SLC13A3: variants seen among roughly 807,000 people sequenced by gnomAD.
The protein encoded by SLC13A3 is Na(+)/dicarboxylate cotransporter 3.
SLC13A3 carries 40 observed loss-of-function variants against 59.0 expected under a neutral mutation model. The observed-to-expected ratio is 0.68, with a 90% CI of 0.53 to 0.88. The LOEUF is 0.88. SLC13A3 is among the 40% of genes least tolerant of loss of function. The pLI, the probability that SLC13A3 is intolerant of heterozygous loss-of-function variation, is 0.00. For synonymous variants in SLC13A3, 317 were observed against 330.3 expected, an observed-to-expected ratio of 0.96 and a Z score of 0.44; for missense variants, 699 against 783.2, an observed-to-expected ratio of 0.89 and a Z score of 1.28.
upstream of SLC13A3, among the ~76,000 whole-genome samples, chr20:46,670,438 G>T (rs2063084677): frequency 6.6e-6 from 1 of 152,164 alleles, no homozygotes; most frequent in Non-Finnish European, 1.5e-5. Context: ...CACTGACTCT[G>T]GGCTTGGCCA....
At chr20:46,592,618 C>A in intron 5 of SLC13A3, 89 bp from the exon 6 acceptor site, 2 of 1,358,914 alleles carry the variant, frequency 1.5e-6, no homozygotes, top group African/African-American at 1.4e-5. Context: ...CTAGTAGCAG[C>A]GGGGAGGAGG....
At chr20:46,643,082 T>A (rs1248427069) in intron 1 of SLC13A3, among the ~76,000 whole-genome samples, 2 of 151,926 alleles carry the variant, frequency 1.3e-5, no homozygotes, top group Admixed American at 1.3e-4. Context: ...ATTCGAGACA[T>A]ACTTATGAGC....
intron 3 of SLC13A3, among the ~76,000 whole-genome samples, chr20:46,606,676 T>C (rs1271457516): frequency 3.1e-4 from 47 of 152,206 alleles, no homozygotes; most frequent in Admixed American, 2.9e-3. Flanking sequence ...CACTCCAGCC[T>C]AGGAGACAGA....
chr20:46,662,756 T>A (rs1205943188), intron 1 of SLC13A3, among the ~76,000 whole-genome samples: 1 of 152,218 alleles, frequency 6.6e-6, no homozygotes, highest in Non-Finnish European at 1.5e-5. Context: ...CTTTTGCTTT[T>A]GAATTGGGTG....
rs1289023945 is a variant in SLC13A3, at chr20:46,639,728, T to C, written c.111+11583A>G. 2.6e-5 allele frequency among the ~76,000 whole-genome samples: 4 copies of C among 152,272 alleles called. No homozygotes were observed. In the East Asian group the frequency reaches 7.7e-4, roughly 29 times the overall value. On this transcript the variant is annotated intron_variant, in intron 1 of 12. Coordinates refer to ENST00000279027, the MANE Select transcript of SLC13A3 (RefSeq NM_022829.6). ...GGCCTCCACTGAACCACAAAAGAGT[T>C]TGGGTTTCCAATGAGGCAGACCTAG... is the stretch of plus-strand genomic sequence containing the variant.
At chr20:46,579,992 G>A (rs2062119345) in intron 9 of SLC13A3, among the ~76,000 whole-genome samples, 1 of 151,840 alleles carries the variant, frequency 6.6e-6, no homozygotes, top group Non-Finnish European at 1.5e-5. Flanking sequence ...TTGAGACAGA[G>A]TCTTACTCTT....
At chr20:46,656,873 T>C (rs1041713275) in intron 1 of SLC13A3, among the ~76,000 whole-genome samples, 11 of 152,116 alleles carry the variant, frequency 7.2e-5, no homozygotes, top group Non-Finnish European at 1.2e-4. Flanking sequence ...GGTTCACTGA[T>C]CCTTCTGCCT....
chr20:46,587,005 A>C (rs373809172), intron 8 of SLC13A3, among the ~76,000 whole-genome samples: 1 of 152,242 alleles, frequency 6.6e-6, no homozygotes, highest in Non-Finnish European at 1.5e-5. Context: ...GTGTATTACA[A>C]GACGTTGTCT....
intron 1 of SLC13A3, among the ~76,000 whole-genome samples, chr20:46,668,537 T>C (rs144571387): frequency 7.6e-4 from 115 of 152,234 alleles, no homozygotes; most frequent in African/African-American, 2.6e-3. Flanking sequence ...GTTCATGAGT[T>C]TAAGGAAAGA....
At chr20:46,624,919 G>T (rs1053254896) in intron 1 of SLC13A3, among the ~76,000 whole-genome samples, 1 of 152,180 alleles carries the variant, frequency 6.6e-6, no homozygotes, top group East Asian at 1.9e-4. Flanking sequence ...AGGAACTAGA[G>T]GGGGAGCAGC....
intron 1 of SLC13A3, among the ~76,000 whole-genome samples, chr20:46,614,851 G>C (rs1221212822): frequency 1.3e-5 from 2 of 152,190 alleles, no homozygotes; most frequent in Admixed American, 6.5e-5. Context: ...ATGAAAGGCA[G>C]ACAAAGTAAT....
rs750021867 is a variant in SLC13A3 at position 46,651,431 on chromosome 20, C to T, written c.-10G>A. The T allele has an allele frequency of 2.7e-6, 4 of 1,475,158 alleles. No homozygotes were observed. The highest frequency in any genetic ancestry group is 1.5e-5 in the African/African-American group (1 of 68,222). The allele number at this position is 1,475,158 out of a possible 1,614,324, so 91.4% of individuals were successfully genotyped here. ...CTGCCAGCGCCGCCATCAGCGCGAT[C>T]GCCTGGCGGTACGGGCCGGCCCGGG... On this transcript the variant is annotated 5_prime_UTR_variant, in exon 1 of 13. Transcript: ENST00000279027.
intron 1 of SLC13A3, among the ~76,000 whole-genome samples, chr20:46,631,607 T>TGG (rs2062738104): frequency 6.6e-6 from 1 of 152,106 alleles, no homozygotes; most frequent in African/African-American, 2.4e-5. Flanking sequence ...GTCCTAGCCT[T>TGG]GGTCCCCAAC....
intron 1 of SLC13A3, among the ~76,000 whole-genome samples, chr20:46,650,930 G>A (rs975837266): frequency 2.0e-5 from 3 of 152,124 alleles, no homozygotes; most frequent in Non-Finnish European, 4.4e-5. Flanking sequence ...GCATGCACCT[G>A]TAGTTCTAGC....
chr20:46,586,621 A>C (rs2062195282), intron 8 of SLC13A3, among the ~76,000 whole-genome samples: 1 of 152,204 alleles, frequency 6.6e-6, no homozygotes, highest in African/African-American at 2.4e-5. Flanking sequence ...ATTATGAATA[A>C]GCCATTCCCA....
chr20:46,666,335 A>G (rs548556881), intron 1 of SLC13A3, among the ~76,000 whole-genome samples: 32 of 152,198 alleles, frequency 2.1e-4, no homozygotes, highest in Non-Finnish European at 4.3e-4. Context: ...TTTGTAACAG[A>G]CAGAAAAGGG....
chr20:46,619,005 G>T (rs1385758306), intron 1 of SLC13A3, among the ~76,000 whole-genome samples: 1 of 152,196 alleles, frequency 6.6e-6, no homozygotes, highest in Non-Finnish European at 1.5e-5. Flanking sequence ...CACTGCTGCT[G>T]GTAGTAACCT....
chr20:46,671,147 T>C (rs1043348899), upstream of SLC13A3, among the ~76,000 whole-genome samples: 1 of 152,158 alleles, frequency 6.6e-6, no homozygotes, highest in Admixed American at 6.5e-5. Flanking sequence ...CATTTGATAA[T>C]TGCCTCAGCA....
intron 1 of SLC13A3, among the ~76,000 whole-genome samples, chr20:46,678,110 G>A (rs1459248121): frequency 7.2e-5 from 11 of 152,186 alleles, no homozygotes; most frequent in Admixed American, 6.5e-4. Context: ...AGAAACTGAG[G>A]CCCAGGGAAG....
Sources: allele counts gnomAD v4.1 joint callset (sites outside exome capture counted in the v4.1 genomes callset), GRCh38; gene constraint gnomAD v4.1.1; transcripts MANE v1.5; gene names NCBI Gene and HGNC (gene_info 2026-07-23, HGNC 2026-07-21).